The following MBD2 variants were observed in gnomAD, a reference collection of about 807,000 sequenced individuals.
MBD2 encodes methyl-CpG-binding domain protein 2.
MBD2 carries 9 observed loss-of-function variants against 39.3 expected under a neutral mutation model. The observed-to-expected ratio is 0.23, with a 90% CI of 0.14 to 0.40. The LOEUF is 0.40. Ranked by LOEUF, MBD2 falls within the 10% of genes least tolerant of loss-of-function variation. MBD2 has a pLI of 1.00. For missense variants in MBD2, 458 were observed against 532.6 expected, an observed-to-expected ratio of 0.86 and a Z score of 1.38; for synonymous variants, 233 against 211.1, an observed-to-expected ratio of 1.10 and a Z score of -0.90.
chr18:54,183,961 G>A (rs1911101218), intron 3 of MBD2, among the ~76,000 whole-genome samples: 4 of 152,080 alleles, frequency 2.6e-5, no homozygotes, highest in South Asian at 4.1e-4. Flanking sequence ...ATTCCTTCAA[G>A]TTCAGTTCAG....
intron 2 of MBD2, among the ~76,000 whole-genome samples, chr18:54,201,659 G>A (rs1450996126): frequency 1.3e-5 from 2 of 151,986 alleles, no homozygotes; most frequent in African/African-American, 2.4e-5. Context: ...TCAGGAGATC[G>A]AGACCATCCT....
intron 5 of MBD2, among the ~76,000 whole-genome samples, chr18:54,160,596 G>A (rs1391103022): frequency 4.8e-5 from 7 of 146,640 alleles, no homozygotes; most frequent in African/African-American, 1.5e-4. Flanking sequence ...AAAAGGCTCT[G>A]AACCATTAGA....
intron 3 of MBD2, among the ~76,000 whole-genome samples, chr18:54,169,210 C>T (rs80036482): frequency 0.034 from 5,194 of 152,206 alleles, 125 homozygotes; most frequent in Non-Finnish European, 0.046. Context: ...TATATAATGA[C>T]CATGTTCTTT....
intron 5 of MBD2, among the ~76,000 whole-genome samples, chr18:54,160,734 G>A (rs548377308): frequency 2.6e-5 from 4 of 151,694 alleles, no homozygotes; most frequent in South Asian, 2.1e-4. Flanking sequence ...AACAAAGCTC[G>A]GTAAATAGAA....
chr18:54,182,625 A>G (rs1031794904), intron 3 of MBD2, among the ~76,000 whole-genome samples: 1 of 152,228 alleles, frequency 6.6e-6, no homozygotes, highest in African/African-American at 2.4e-5. Flanking sequence ...TTTCAGCAGT[A>G]TAACACTATT....
At chr18:54,179,911 G>A (rs1025902223) in intron 3 of MBD2, among the ~76,000 whole-genome samples, 1 of 139,952 alleles carries the variant, frequency 7.1e-6, no homozygotes, top group Non-Finnish European at 1.6e-5. Context: ...AAAATCAAAG[G>A]TTTAAATATT....
At chr18:54,191,232 G>C (rs2086318034) in intron 2 of MBD2, among the ~76,000 whole-genome samples, 1 of 152,188 alleles carries the variant, frequency 6.6e-6, no homozygotes, top group African/African-American at 2.4e-5. Flanking sequence ...TGGGCATTCA[G>C]CAGGTCTGAG....
chr18:54,172,772 C>T (rs1189156515), intron 3 of MBD2, among the ~76,000 whole-genome samples: 4 of 152,176 alleles, frequency 2.6e-5, no homozygotes, highest in African/African-American at 9.7e-5. Context: ...AGAATCTGAA[C>T]AACCAATGTT....
intron 6 of MBD2, among the ~76,000 whole-genome samples, chr18:54,157,565 A>G (rs986059414): frequency 6.6e-6 from 1 of 152,138 alleles, no homozygotes; most frequent in Non-Finnish European, 1.5e-5. Flanking sequence ...CCAGCCTGAA[A>G]TGATTCTGTA....
chr18:54,166,289 C>T, intron 3 of MBD2, 123 bp from the exon 4 acceptor site: 1 of 649,580 alleles, frequency 1.5e-6, no homozygotes. Context: ...TCATTTTTTC[C>T]TTATAAAAAG....
intron 1 of MBD2, among the ~76,000 whole-genome samples, chr18:54,210,440 A>G (rs991073283): frequency 4.6e-5 from 7 of 152,198 alleles, no homozygotes; most frequent in African/African-American, 1.7e-4. Flanking sequence ...CTGCCAGTCT[A>G]TGACATAAAA....
chr18:54,217,433 C>T (rs996312819), intron 1 of MBD2, among the ~76,000 whole-genome samples: 2 of 152,122 alleles, frequency 1.3e-5, no homozygotes, highest in South Asian at 4.1e-4. Flanking sequence ...TTTTCCTAAT[C>T]GTTTCTCACT....
intron 3 of MBD2, 85 bp from the exon 4 acceptor site, chr18:54,166,251 A>G: frequency 1.3e-6 from 1 of 777,150 alleles, no homozygotes; most frequent in South Asian, 1.7e-5. Flanking sequence ...TGAAATTTAA[A>G]TCATTTCAAT....
At chr18:54,198,678 T>G (rs527579100) in intron 2 of MBD2, among the ~76,000 whole-genome samples, 1 of 152,326 alleles carries the variant, frequency 6.6e-6, no homozygotes, top group African/African-American at 2.4e-5. Context: ...ACCACTGCAC[T>G]TCCCCCTGGG....
rs760914809 is a variant in MBD2 at position 54,153,340 on chromosome 18, T to C, written c.*1984A>G. On this transcript the variant is annotated 3_prime_UTR_variant, in exon 7 of 7. Coordinates refer to ENST00000256429, the MANE Select transcript of MBD2 (RefSeq NM_003927.5). ...GGTTTGTGGGGACCAGGTGATGAAGTTTTGAACATGTTGTCTTGTGGGTAT... is the reference window on the plus strand; with the variant it reads ...GGTTTGTGGGGACCAGGTGATGAAGCTTTGAACATGTTGTCTTGTGGGTAT... The C allele has an allele frequency of 6.6e-6, 1 of 152,048 alleles. No homozygotes were observed. Among genetic ancestry groups the C allele is most frequent in the Non-Finnish European group, 1.5e-5 (1 of 68,040 alleles). 9.4% of individuals were successfully genotyped at this position (152,048 alleles called of 1,614,324 possible).
At chr18:54,191,869 A>G (rs1270146039) in intron 2 of MBD2, among the ~76,000 whole-genome samples, 1 of 152,218 alleles carries the variant, frequency 6.6e-6, no homozygotes, top group Non-Finnish European at 1.5e-5. Context: ...TCAAATGACT[A>G]ACAGTATTAT....
intron 1 of MBD2, among the ~76,000 whole-genome samples, chr18:54,211,415 G>GCA (rs2086506221): frequency 2.2e-4 from 17 of 77,682 alleles, no homozygotes; most frequent in Admixed American, 1.1e-3. Flanking sequence ...ACACACACAC[G>GCA]CACACACGCA....
chr18:54,187,737 G>A, intron 3 of MBD2: 1 of 985,798 alleles, frequency 1.0e-6, no homozygotes, highest in Non-Finnish European at 1.2e-6. Flanking sequence ...AATCTCTTGG[G>A]GACCAACAGT....
intron 2 of MBD2, among the ~76,000 whole-genome samples, chr18:54,193,503 C>A (rs1359641654): frequency 6.6e-6 from 1 of 152,052 alleles, no homozygotes; most frequent in African/African-American, 2.4e-5. Context: ...TCTATTTTAT[C>A]CCCTAGTTGC....
Sources: allele counts gnomAD v4.1 joint callset (sites outside exome capture counted in the v4.1 genomes callset), GRCh38; gene constraint gnomAD v4.1.1; transcripts MANE v1.5; gene names NCBI Gene and HGNC (gene_info 2026-07-23, HGNC 2026-07-21).